PNPT1: variants seen among roughly 807,000 people sequenced by gnomAD.
PNPT1 encodes polyribonucleotide nucleotidyltransferase 1.
In PNPT1, 53 loss-of-function variants were observed where a neutral mutation model predicts 119.5. That is an observed-to-expected ratio of 0.44 (90% CI 0.36 to 0.56). PNPT1 has a LOEUF of 0.56. Ranked by LOEUF, PNPT1 falls within the 20% of genes least tolerant of loss-of-function variation. PNPT1 has a pLI of 0.00. For missense variants in PNPT1, 948 were observed against 938.5 expected, an observed-to-expected ratio of 1.01 and a Z score of -0.13; for synonymous variants, 357 against 322.1, an observed-to-expected ratio of 1.11 and a Z score of -1.16.
chr2:55,646,129 G>C (rs1231729562), intron 21 of PNPT1, 130 bp downstream of exon 21: 2 of 909,508 alleles, frequency 2.2e-6, no homozygotes, highest in Non-Finnish European at 3.3e-6. Context: ...CACCTGGCCA[G>C]TACTTCTTGA....
At chr2:55,674,944 T>C (rs1235948935) in intron 8 of PNPT1, among the ~76,000 whole-genome samples, 1 of 152,222 alleles carries the variant, frequency 6.6e-6, no homozygotes. Context: ...GTATAAATTA[T>C]ATCTCAATAA....
intron 11 of PNPT1, 50 bp from the exon 12 acceptor site, chr2:55,668,008 T>C (rs777237362): frequency 1.4e-5 from 20 of 1,473,820 alleles, no homozygotes; most frequent in African/African-American, 5.7e-5. Flanking sequence ...TTTTAGGAGA[T>C]AGGATTTCTC....
At position 55,667,911 on chromosome 2, in the gene PNPT1, C is replaced by G; in HGVS notation, c.1024G>C (p.Val342Leu). The G allele has an allele frequency of 6.3e-7, 1 of 1,582,448 alleles. No homozygotes were observed. Among genetic ancestry groups the G allele is most frequent in the Non-Finnish European group, 8.5e-7 (1 of 1,171,956 alleles). ...DPYEIIESFN[V>L]VAKEVFRSIV... is the part of the protein sequence containing the mutation. ...CTTCTAAAAACTTCCTTTGCAACAA[C>G]ATTGAAGGATTCTATTATTTCATAT... Residue 342 changes from valine to leucine, a missense_variant, in exon 12 of 28, where the codon GTT becomes CTT. By Grantham distance (32) the Val-to-Leu change is conservative. Coordinates refer to ENST00000447944, the MANE Select transcript of PNPT1 (RefSeq NM_033109.5).
At chr2:55,663,575 G>A (rs1460370861) in intron 13 of PNPT1, among the ~76,000 whole-genome samples, 5 of 152,120 alleles carry the variant, frequency 3.3e-5, no homozygotes, top group African/African-American at 9.7e-5. Flanking sequence ...TCATAATGCT[G>A]AAAACCAAAG....
intron 8 of PNPT1, among the ~76,000 whole-genome samples, chr2:55,675,690 G>C (rs1697045768): frequency 6.6e-6 from 1 of 151,978 alleles, no homozygotes; most frequent in Non-Finnish European, 1.5e-5. Context: ...GAGTGAGACT[G>C]TCTTAAAAAA....
chr2:55,646,035 C>T (rs1174149642), intron 21 of PNPT1, among the ~76,000 whole-genome samples: 1 of 152,092 alleles, frequency 6.6e-6, no homozygotes, highest in Non-Finnish European at 1.5e-5. Flanking sequence ...ACCATGTTGG[C>T]CAGGCTGGTC....
At chr2:55,680,791 T>TA in intron 6 of PNPT1, 32 bp from the exon 7 acceptor site, 1 of 1,612,662 alleles carries the variant, frequency 6.2e-7, no homozygotes, top group Admixed American at 1.7e-5. Flanking sequence ...GGGCCGAAAT[T>TA]AAAATTTCAT....
Position 55,690,705 on chromosome 2 carries a change from T to A in PNPT1, c.161+2958A>T, listed in dbSNP as rs189608319. On this transcript the variant is annotated intron_variant, in intron 1 of 27. Coordinates refer to ENST00000447944, the MANE Select transcript of PNPT1 (RefSeq NM_033109.5). ...TGACTCTGAAATATTAGTTTTTTTT[T>A]AAAATCAGGGAATATTTGAGAAATT... 3.8e-3 allele frequency among the ~76,000 whole-genome samples: 572 copies of A among 152,342 alleles called. 1 individual carries two copies. Among genetic ancestry groups the A allele is most frequent in the Non-Finnish European group, 6.0e-3 (411 of 68,026 alleles).
At chr2:55,685,368 CA>C (rs1416961613) in intron 3 of PNPT1, among the ~76,000 whole-genome samples, 2 of 149,068 alleles carry the variant, frequency 1.3e-5, no homozygotes, top group African/African-American at 2.5e-5. Flanking sequence ...CTACCCCCAA[CA>C]AAAAAAAAAT....
intron 2 of PNPT1, among the ~76,000 whole-genome samples, chr2:55,687,168 C>T (rs927504171): frequency 3.4e-5 from 5 of 146,582 alleles, no homozygotes; most frequent in Admixed American, 1.4e-4. Flanking sequence ...GAACCGAGAT[C>T]GCGCCGCTGC....
intron 5 of PNPT1, 125 bp downstream of exon 5, chr2:55,683,660 A>C (rs549940429): frequency 1.2e-6 from 1 of 823,658 alleles, no homozygotes; most frequent in Non-Finnish European, 1.8e-6. Context: ...AACGTAATGT[A>C]AAATATAACA....
chr2:55,686,695 ACTT>A (rs1559113484), intron 2 of PNPT1, among the ~76,000 whole-genome samples: 1 of 152,228 alleles, frequency 6.6e-6, no homozygotes, highest in Non-Finnish European at 1.5e-5. Flanking sequence ...AGTATTCTCT[ACTT>A]CTTATGTGGC....
intron 10 of PNPT1, 100 bp from the exon 11 acceptor site, chr2:55,671,476 ATTTC>A (rs1326910781): frequency 7.7e-5 from 49 of 638,642 alleles, no homozygotes; most frequent in Admixed American, 3.1e-4. Context: ...AATTACTCTG[ATTTC>A]TTTAATATTC....
intron 18 of PNPT1, among the ~76,000 whole-genome samples, chr2:55,649,898 C>T (rs528629321): frequency 1.3e-5 from 2 of 152,234 alleles, no homozygotes; most frequent in South Asian, 4.1e-4. Context: ...TCATGGTATA[C>T]AATAATCAAT....
chr2:55,650,625 C>A (rs1360795972), intron 18 of PNPT1, among the ~76,000 whole-genome samples: 7 of 151,392 alleles, frequency 4.6e-5, no homozygotes, highest in Non-Finnish European at 7.4e-5. Flanking sequence ...AAGTGAGGAG[C>A]GTCTCTGCCC....
intron 18 of PNPT1, among the ~76,000 whole-genome samples, chr2:55,649,276 AAATAAT>A (rs936972291): frequency 6.6e-6 from 1 of 152,148 alleles, no homozygotes; most frequent in Non-Finnish European, 1.5e-5. Flanking sequence ...TCATCTCTAT[AAATAAT>A]AATAATGATG....
In PNPT1 at chr2:55,691,848, TTATATATATATATATA is replaced by T. The variant is rs869195974; in HGVS notation, c.161+1799_161+1814del. On this transcript the variant is annotated intron_variant, in intron 1 of 27. Coordinates refer to ENST00000447944, the MANE Select transcript of PNPT1 (RefSeq NM_033109.5). The stretch of plus-strand genomic sequence containing the variant: ...TATATTACTCTTCAATTAAAAATGT[TTATATATATATATATA>T]TATATATATATATATTTTTTTTTTT... Among the ~76,000 whole-genome samples, 361 of 87,160 alleles carry T rather than the reference TTATATATATATATATA, an allele frequency of 4.1e-3. 4 individuals carry two copies. The highest frequency in any genetic ancestry group is 0.016 in the Admixed American group (126 of 7,996). 57.2% of individuals were successfully genotyped at this position (87,160 alleles called of 152,430 possible).
chr2:55,644,871 C>A, intron 22 of PNPT1, 151 bp from the exon 23 acceptor site: 3 of 479,922 alleles, frequency 6.3e-6, no homozygotes, highest in Non-Finnish European at 1.1e-5. Context: ...ATTAAAATTA[C>A]TGAAAACTGT....
chr2:55,671,479 T>C lies in PNPT1; in HGVS notation c.919-103A>G, dbSNP rs1417666713. On this transcript the variant is annotated intron_variant, in intron 10 of 27. Coordinates refer to ENST00000447944, the MANE Select transcript of PNPT1 (RefSeq NM_033109.5). The stretch of plus-strand genomic sequence containing the variant: ...GAACACATTGTGAATTACTCTGATT[T>C]CTTTAATATTCTTTAAAATATTGGA... 3 of 591,274 alleles carry C rather than the reference T, an allele frequency of 5.1e-6. No individual in the cohort carries two copies. In the African/African-American group the frequency reaches 5.9e-5, roughly 12 times the overall value. The allele number at this position is 591,274 out of a possible 1,614,324, so 36.6% of individuals were successfully genotyped here.
Sources: gnomAD v4.1 joint callset for allele counts (sites outside exome capture counted in the v4.1 genomes callset) on GRCh38, gnomAD v4.1.1 for gene constraint, MANE v1.5 for transcripts, NCBI Gene and HGNC (gene_info 2026-07-23, HGNC 2026-07-21) for gene names.